Variants in NRK observed in about 807,000 individuals in gnomAD.
NRK encodes the protein nik-related protein kinase.
Under a neutral mutation model 125.2 loss-of-function variants are expected in NRK, and 67 were observed. The observed-to-expected ratio is 0.54, with a 90% CI of 0.44 to 0.66. NRK has a LOEUF of 0.66. Ranked by LOEUF, NRK falls within the 30% of genes least tolerant of loss-of-function variation. NRK has a pLI of 0.00. For synonymous variants in NRK, 458 were observed against 429.0 expected (o/e 1.07, Z -0.84); for missense variants, 1,224 against 1,192.9 (o/e 1.03, Z -0.38).
At chrX:105,835,598 A>C (rs952763176) in intron 2 of NRK, among the ~76,000 whole-genome samples, 2 of 107,222 alleles carry the variant, frequency 1.9e-5, no homozygotes, top group African/African-American at 7.0e-5. Context: ...GCCCACAACT[A>C]ATTCTTGCCC....
chrX:105,892,383 C>T (rs938901860), intron 5 of NRK, among the ~76,000 whole-genome samples: 1 of 111,778 alleles, frequency 8.9e-6, no homozygotes, highest in African/African-American at 3.2e-5. Context: ...GGACACTTCA[C>T]AAATTTTGGC....
At chrX:105,937,290 C>T (rs1308612795) in intron 21 of NRK, 149 bp from the exon 22 acceptor site, 1 of 378,557 alleles carries the variant, frequency 2.6e-6, no homozygotes, top group African/African-American at 2.6e-5. Context: ...AATATAGATG[C>T]AATTATGAAA....
intron 2 of NRK, among the ~76,000 whole-genome samples, chrX:105,848,235 A>T (rs897093778): frequency 9.0e-6 from 1 of 111,295 alleles, no homozygotes; most frequent in Non-Finnish European, 1.9e-5. Context: ...TAGGTCAAAT[A>T]ACTAAAGATG....
intron 3 of NRK, among the ~76,000 whole-genome samples, chrX:105,880,855 G>A (rs750313470): frequency 2.7e-5 from 3 of 111,244 alleles, no homozygotes; most frequent in Non-Finnish European, 5.7e-5. Context: ...TTTCTTTAAC[G>A]TGAGTGCCAC....
In NRK at chrX:105,846,501, C is replaced by T. The variant is rs182381310; in HGVS notation, c.123+15382C>T. ...TTTCCATTTTGTAAATAATGTTCTT[C>T]GAGGATAAATAACAATCTGCAAAGG... On this transcript the variant is annotated intron_variant, in intron 2 of 28. Coordinates refer to ENST00000243300, the MANE Select transcript of NRK (RefSeq NM_198465.4). Among the ~76,000 whole-genome samples the T allele has an allele frequency of 7.2e-5, 8 of 110,518 alleles. No individual in the cohort carries two copies. The East Asian group carries it at 2.3e-3, about 32-fold the overall frequency.
At chrX:105,942,178 T>C (rs1348236604) in intron 23 of NRK, among the ~76,000 whole-genome samples, 1 of 112,173 alleles carries the variant, frequency 8.9e-6, no homozygotes, top group Non-Finnish European at 1.9e-5. Context: ...ATTTTGTTTA[T>C]CCATACATCA....
intron 15 of NRK, among the ~76,000 whole-genome samples, chrX:105,917,061 T>G (rs1313543121): frequency 1.8e-5 from 2 of 111,209 alleles, no homozygotes; most frequent in Non-Finnish European, 3.8e-5. Context: ...TCTCTAAATA[T>G]TCTTTAAATT....
chrX:105,914,672 GAA>G (rs1284504694), intron 14 of NRK, among the ~76,000 whole-genome samples: 1 of 108,462 alleles, frequency 9.2e-6, no homozygotes, highest in Non-Finnish European at 1.9e-5. Flanking sequence ...AATGAAAGTG[GAA>G]AAAAATAGGC....
intron 2 of NRK, among the ~76,000 whole-genome samples, chrX:105,857,705 A>G (rs1280972927): frequency 9.0e-6 from 1 of 111,693 alleles, no homozygotes; most frequent in African/African-American, 3.3e-5. Flanking sequence ...CATGACTAAG[A>G]AAATAACCAG....
chrX:105,822,948 G>A, intron 1 of NRK, 46 bp downstream of exon 1: 3 of 1,067,292 alleles, frequency 2.8e-6, no homozygotes, highest in Non-Finnish European at 3.8e-6. Context: ...CTCTTTTGGC[G>A]GGTTCTGCGT....
rs777662953 is a variant in NRK, at chrX:105,905,281, A to G, written c.783A>G (p.Gln261=). Residue 261 remains glutamine (Q), a synonymous_variant, in exon 10 of 29, where the codon CAA becomes CAG. Coordinates refer to ENST00000243300, the MANE Select transcript of NRK (RefSeq NM_198465.4). ...AEGAPPLCNL[Q]PLEALFVILR... Reference sequence around the variant, plus strand: ...CCTTTGCAGCTCTGTGTAACCTTCAACCCTTGGAAGCTCTCTTCGTTATTT... The same window carrying G: ...CCTTTGCAGCTCTGTGTAACCTTCAGCCCTTGGAAGCTCTCTTCGTTATTT... 2 of 1,206,203 alleles carry G rather than the reference A, an allele frequency of 1.7e-6. No homozygotes were observed.
intron 2 of NRK, among the ~76,000 whole-genome samples, chrX:105,867,976 ACTGTG>A (rs2039693890): frequency 1.8e-5 from 2 of 111,611 alleles, no homozygotes; most frequent in Non-Finnish European, 3.8e-5. Flanking sequence ...TTGTACTCTT[ACTGTG>A]AAAATTGCCA....
intron 5 of NRK, among the ~76,000 whole-genome samples, chrX:105,892,640 C>A (rs1268358621): frequency 1.8e-5 from 2 of 111,576 alleles, no homozygotes; most frequent in Non-Finnish European, 3.8e-5. Flanking sequence ...CCACAGTGTA[C>A]ATGTTGTGCC....
rs780665750 is a variant in NRK, at chrX:105,926,319, C to T, written c.3312+1288C>T. Among the ~76,000 whole-genome samples the T allele has an allele frequency of 1.4e-3, 161 of 111,583 alleles. 1 individual carries two copies. The highest frequency in any genetic ancestry group is 1.9e-3 in the Non-Finnish European group (100 of 52,867). ...TAAGTTCTAGGGTACATGTGCACAA[C>T]GTGCAGGTTTGTTACATATGTATAC... On this transcript the variant is annotated intron_variant, in intron 19 of 28. Transcript: ENST00000243300.
intron 14 of NRK, 134 bp downstream of exon 14, chrX:105,912,889 T>C (rs1351268007): frequency 1.6e-5 from 5 of 305,489 alleles, no homozygotes; most frequent in Non-Finnish European, 5.9e-6. Flanking sequence ...TTTACATGGG[T>C]TGTATCATTT....
rs2039344268 is a variant in NRK, at chrX:105,842,563, TA to T, written c.123+11450del. On this transcript the variant is annotated intron_variant, in intron 2 of 28. Transcript: ENST00000243300. ...GTAGGAATTTTAAAAATCAACACAT[TA>T]AAAAACAATTTGTGTATTTTCTAAT... is the stretch of plus-strand genomic sequence containing the variant. Among the ~76,000 whole-genome samples, 3 of 112,197 alleles carry T rather than the reference TA, an allele frequency of 2.7e-5. No individual in the cohort carries two copies. In the South Asian group the frequency reaches 1.1e-3, roughly 41 times the overall value.
At chrX:105,835,287 TG>T (rs889561630) in intron 2 of NRK, among the ~76,000 whole-genome samples, 2 of 111,352 alleles carry the variant, frequency 1.8e-5, no homozygotes, top group African/African-American at 6.5e-5. Flanking sequence ...TGTGCATATG[TG>T]GGGGTTGGTC....
At chrX:105,832,223 A>G (rs2039202987) in intron 2 of NRK, among the ~76,000 whole-genome samples, 1 of 107,471 alleles carries the variant, frequency 9.3e-6, no homozygotes, top group Admixed American at 9.9e-5. Flanking sequence ...CTCCCTGGAA[A>G]GGGAAAGTGA....
intron 11 of NRK, among the ~76,000 whole-genome samples, chrX:105,906,807 G>GTA (rs1264591969): frequency 9.9e-6 from 1 of 100,551 alleles, no homozygotes; most frequent in Non-Finnish European, 2.0e-5. Context: ...GTGTGTGTGT[G>GTA]TATAGTTACT....
Sources: allele counts gnomAD v4.1 joint callset (sites outside exome capture counted in the v4.1 genomes callset), GRCh38; gene constraint gnomAD v4.1.1; transcripts MANE v1.5; gene names NCBI Gene and HGNC (gene_info 2026-07-23, HGNC 2026-07-21).